The following EFNA5 variants were observed in gnomAD, a reference collection of about 807,000 sequenced individuals.
EFNA5 encodes ephrin-A5.
EFNA5 carries 5 observed loss-of-function variants against 22.9 expected under a neutral mutation model. The ratio of observed to expected loss-of-function variants is 0.22; its 90% CI spans 0.11 to 0.46. EFNA5 has a LOEUF of 0.46. Among genes scored for constraint, EFNA5 ranks in the 20% least tolerant of loss-of-function variants. EFNA5 has a pLI of 0.99. For synonymous variants in EFNA5, 113 were observed against 112.2 expected (o/e 1.01, Z -0.04); for missense variants, 237 against 293.3 (o/e 0.81, Z 1.40).
chr5:107,427,588 A>G (rs1748841079), intron 1 of EFNA5, 79 bp from the exon 2 acceptor site: 2 of 1,339,154 alleles, frequency 1.5e-6, no homozygotes, highest in Non-Finnish European at 2.0e-6. Context: ...AAGCCATTCA[A>G]TAATTTTGGA....
At chr5:107,624,656 A>G (rs1750109977) in intron 1 of EFNA5, among the ~76,000 whole-genome samples, 1 of 152,158 alleles carries the variant, frequency 6.6e-6, no homozygotes, top group African/African-American at 2.4e-5. Context: ...CTTCCTGTAT[A>G]AAAGTCATGG....
chr5:107,660,181 A>C (rs1224033681), intron 1 of EFNA5, among the ~76,000 whole-genome samples: 4 of 148,582 alleles, frequency 2.7e-5, no homozygotes, highest in African/African-American at 9.9e-5. Context: ...ATACACTAAT[A>C]ACAGGCATTT....
intron 1 of EFNA5, among the ~76,000 whole-genome samples, chr5:107,530,480 G>A (rs996387298): frequency 6.6e-6 from 1 of 152,180 alleles, no homozygotes; most frequent in Non-Finnish European, 1.5e-5. Context: ...ACCACAAATA[G>A]TATTTGGGGT....
intron 1 of EFNA5, among the ~76,000 whole-genome samples, chr5:107,539,854 G>A (rs930159160): frequency 6.6e-6 from 1 of 152,160 alleles, no homozygotes; most frequent in African/African-American, 2.4e-5. Context: ...GGAGAAAGTA[G>A]GAGAGGGAAA....
chr5:107,604,096 A>C (rs931130768), intron 1 of EFNA5, among the ~76,000 whole-genome samples: 1 of 152,184 alleles, frequency 6.6e-6, no homozygotes, highest in African/African-American at 2.4e-5. Context: ...ATTATTCTGC[A>C]ATATGCATTT....
At chr5:107,397,642 C>T (rs1238389871) in intron 2 of EFNA5, among the ~76,000 whole-genome samples, 1 of 152,136 alleles carries the variant, frequency 6.6e-6, no homozygotes, top group Admixed American at 6.5e-5. Flanking sequence ...ATGTTCTCCC[C>T]AATGCCTATC....
intron 1 of EFNA5, among the ~76,000 whole-genome samples, chr5:107,460,917 A>G (rs1276369853): frequency 2.0e-5 from 3 of 152,170 alleles, no homozygotes; most frequent in Admixed American, 1.3e-4. Context: ...ATTCAATGAG[A>G]AAAACAAAAG....
intron 1 of EFNA5, among the ~76,000 whole-genome samples, chr5:107,457,517 T>C (rs1230880317): frequency 6.6e-6 from 1 of 152,190 alleles, no homozygotes; most frequent in Non-Finnish European, 1.5e-5. Context: ...ATCATTGTTA[T>C]ACTGTATTGT....
At chr5:107,626,999 C>T (rs1002688650) in intron 1 of EFNA5, among the ~76,000 whole-genome samples, 4 of 152,118 alleles carry the variant, frequency 2.6e-5, no homozygotes, top group Non-Finnish European at 5.9e-5. Flanking sequence ...GTAAGATTTT[C>T]TGTGTAGTAT....
chr5:107,517,609 A>C (rs1561419921), intron 1 of EFNA5, among the ~76,000 whole-genome samples: 1 of 152,224 alleles, frequency 6.6e-6, no homozygotes, highest in Non-Finnish European at 1.5e-5. Context: ...GTATATGCCA[A>C]GATATGAAAA....
chr5:107,449,948 C>T, intron 1 of EFNA5, among the ~76,000 whole-genome samples: 1 of 152,182 alleles, frequency 6.6e-6, no homozygotes, highest in Non-Finnish European at 1.5e-5. Flanking sequence ...TTTTGTTTCT[C>T]TAACTTTCCC....
intron 1 of EFNA5, among the ~76,000 whole-genome samples, chr5:107,582,094 T>C (rs918804258): frequency 7.2e-5 from 11 of 152,280 alleles, no homozygotes; most frequent in Admixed American, 3.9e-4. Flanking sequence ...AAGTGAAAGA[T>C]GAGTGTAACA....
At chr5:107,420,568 G>A (rs112911229) in intron 2 of EFNA5, among the ~76,000 whole-genome samples, 2 of 124,914 alleles carry the variant, frequency 1.6e-5, no homozygotes, top group Admixed American at 8.4e-5. Context: ...AAAAACACAC[G>A]CAAACAACAA....
intron 1 of EFNA5, among the ~76,000 whole-genome samples, chr5:107,579,495 G>A (rs1339081519): frequency 2.6e-5 from 4 of 151,604 alleles, no homozygotes; most frequent in African/African-American, 9.7e-5. Flanking sequence ...ACAGACAAGA[G>A]GCTCCAAGAA....
At chr5:107,535,712 T>C (rs902793480) in intron 1 of EFNA5, among the ~76,000 whole-genome samples, 1 of 152,316 alleles carries the variant, frequency 6.6e-6, no homozygotes, top group Non-Finnish European at 1.5e-5. Context: ...TAGTGTCTGG[T>C]TCATTTTCTT....
In EFNA5 at chr5:107,378,105, A is replaced by G. The variant is rs1366885116; in HGVS notation, c.*3150T>C. The G allele has an allele frequency of 6.6e-6, 1 of 152,202 alleles. No individual in the cohort carries two copies. Among genetic ancestry groups the G allele is most frequent in the Non-Finnish European group, 1.5e-5 (1 of 68,030 alleles). The allele number at this position is 152,202 out of a possible 1,614,324, so 9.4% of individuals were successfully genotyped here. Reference sequence around the variant, plus strand: ...GAAAGTCTATTGTTCTCACTTACAAAAGACATAAGAATCAAATTAATACTT... The same window carrying G: ...GAAAGTCTATTGTTCTCACTTACAAGAGACATAAGAATCAAATTAATACTT... On this transcript the variant is annotated 3_prime_UTR_variant, in exon 5 of 5. Transcript: ENST00000333274.
intron 1 of EFNA5, among the ~76,000 whole-genome samples, chr5:107,536,892 G>A (rs1170827677): frequency 2.0e-5 from 3 of 152,052 alleles, no homozygotes; most frequent in Non-Finnish European, 4.4e-5. Context: ...AGATCATGAG[G>A]TCAGGAGTTT....
chr5:107,554,052 G>C (rs1280586101), intron 1 of EFNA5, among the ~76,000 whole-genome samples: 1 of 152,096 alleles, frequency 6.6e-6, no homozygotes, highest in Non-Finnish European at 1.5e-5. Flanking sequence ...TAATTCCTTT[G>C]AAAAATAGAA....
At chr5:107,560,450 G>A (rs1369110080) in intron 1 of EFNA5, among the ~76,000 whole-genome samples, 1 of 152,188 alleles carries the variant, frequency 6.6e-6, no homozygotes, top group African/African-American at 2.4e-5. Context: ...ATTTGGCTGT[G>A]TTAAAATCTA....
Sources: gnomAD v4.1 joint callset for allele counts (sites outside exome capture counted in the v4.1 genomes callset) on GRCh38, gnomAD v4.1.1 for gene constraint, MANE v1.5 for transcripts, NCBI Gene and HGNC (gene_info 2026-07-23, HGNC 2026-07-21) for gene names.